CYB5R4: variants seen among roughly 807,000 people sequenced by gnomAD.
CYB5R4 encodes N-terminal cytochrome b5 and cytochrome b5 oxidoreductase domain-containing protein.
Under a neutral mutation model 70.2 loss-of-function variants are expected in CYB5R4, and 55 were observed. The observed-to-expected ratio is 0.78, with a 90% CI of 0.63 to 0.98. CYB5R4 has a LOEUF of 0.98. CYB5R4 is among the 50% of genes least tolerant of loss of function. The pLI is 0.00. For synonymous variants in CYB5R4, 197 were observed against 199.5 expected (o/e 0.99, Z 0.11); for missense variants, 562 against 612.6 (o/e 0.92, Z 0.87).
At chr6:83,918,093 A>G (rs1438993950) in intron 6 of CYB5R4, 28 bp downstream of exon 6, 1 of 1,541,632 alleles carries the variant, frequency 6.5e-7, no homozygotes. Flanking sequence ...AAATTTTTAA[A>G]GTTAAATCAA....
intron 10 of CYB5R4, among the ~76,000 whole-genome samples, chr6:83,930,278 CCTTT>C (rs1174870557): frequency 6.6e-6 from 1 of 152,038 alleles, no homozygotes; most frequent in Non-Finnish European, 1.5e-5. Flanking sequence ...ATCGATTGAC[CCTTT>C]CTTTCACAAA....
chr6:83,919,450 A>G lies in CYB5R4; in HGVS notation c.560A>G (p.Gln187Arg), dbSNP rs143478181. The stretch of plus-strand genomic sequence containing the variant: ...GTCACCATTGCCATATATACTAAAC[A>G]GAAGGTAAATATGTCTTTAAAATCA... ...SLVTIAIYTKQKDINLDSIIV... is the reference protein window; with the variant it reads ...SLVTIAIYTKRKDINLDSIIV... The change falls in exon 7 of 16, where the codon CAG becomes CGG. Residue 187 changes from glutamine (Q) to arginine (R), a missense_variant. Transcript: ENST00000369681. 9.9e-5 allele frequency: 147 copies of G among 1,479,162 alleles called. No homozygotes were observed. The highest frequency in any genetic ancestry group is 1.3e-4 in the Non-Finnish European group (139 of 1,082,276). 91.6% of individuals were successfully genotyped at this position (1,479,162 alleles called of 1,614,324 possible). A position where few individuals can be genotyped will look rare whatever the true frequency, so the allele number is the denominator to read the frequency against.
At chr6:83,919,760 CTGTG>C (rs58002492) in intron 7 of CYB5R4, among the ~76,000 whole-genome samples, 4,728 of 141,912 alleles carry the variant, frequency 0.033, 139 homozygotes, top group African/African-American at 0.075. Flanking sequence ...ATGTGTTTTT[CTGTG>C]TGTGTGTGTG....
chr6:83,961,558 CT>C lies in CYB5R4; in HGVS notation c.*1683del, dbSNP rs2099473349. On this transcript the variant is annotated 3_prime_UTR_variant, in exon 16 of 16. Coordinates refer to ENST00000369681, the MANE Select transcript of CYB5R4 (RefSeq NM_016230.4). ...ATTATGAAGAAGGTCCTTGCTTCTT[CT>C]TTGCTTTCTACCATAATTGTACATT... 7 of 152,168 alleles carry C rather than the reference CT, an allele frequency of 4.6e-5. No homozygotes were observed. The highest frequency in any genetic ancestry group is 4.6e-4 in the Admixed American group (7 of 15,270). The allele number at this position is 152,168 out of a possible 1,614,324, so 9.4% of individuals were successfully genotyped here.
At chr6:83,919,872 G>A (rs572757978) in intron 7 of CYB5R4, among the ~76,000 whole-genome samples, 1 of 151,578 alleles carries the variant, frequency 6.6e-6, no homozygotes, top group East Asian at 2.0e-4. Flanking sequence ...ACATAAACTA[G>A]GATTGGAGAA....
chr6:83,904,329 C>A (rs1490402050), intron 3 of CYB5R4, among the ~76,000 whole-genome samples: 2 of 152,036 alleles, frequency 1.3e-5, no homozygotes, highest in African/African-American at 4.8e-5. Context: ...TGTTTAATTT[C>A]CATGTATTTG....
intron 10 of CYB5R4, 131 bp downstream of exon 10, chr6:83,924,723 G>C: frequency 1.1e-6 from 1 of 912,870 alleles, no homozygotes; most frequent in Non-Finnish European, 1.6e-6. Context: ...TAGGAAGTTT[G>C]AAAGGGACAA....
chr6:83,954,785 G>A (rs893696537), intron 14 of CYB5R4, among the ~76,000 whole-genome samples: 6 of 151,584 alleles, frequency 4.0e-5, no homozygotes, highest in African/African-American at 7.3e-5. Flanking sequence ...TGTTGCCTAG[G>A]CTGGTGCAAT....
intron 4 of CYB5R4, among the ~76,000 whole-genome samples, chr6:83,910,478 G>A (rs2099464508): frequency 1.3e-5 from 2 of 152,244 alleles, no homozygotes; most frequent in Admixed American, 1.3e-4. Flanking sequence ...GGTAATTCTT[G>A]CCAGAAAGAT....
intron 1 of CYB5R4, among the ~76,000 whole-genome samples, chr6:83,863,528 T>C (rs2099456281): frequency 6.6e-6 from 1 of 152,226 alleles, no homozygotes; most frequent in South Asian, 2.1e-4. Context: ...ATCTCTTTGA[T>C]TTTTAAGGTG....
chr6:83,909,120 G>C (rs1158600180), intron 4 of CYB5R4, 30 bp downstream of exon 4: 2 of 1,561,056 alleles, frequency 1.3e-6, no homozygotes, highest in East Asian at 2.2e-5. Flanking sequence ...AACCAGCATG[G>C]ATGTGTGGTG....
chr6:83,910,231 AAGTC>A (rs1425333207), intron 4 of CYB5R4: 4 of 1,122,468 alleles, frequency 3.6e-6, no homozygotes, highest in Middle Eastern at 2.1e-4. Flanking sequence ...AACTTTTGTA[AAGTC>A]AGTCAAAGTT....
intron 2 of CYB5R4, among the ~76,000 whole-genome samples, chr6:83,893,064 C>A (rs2099461375): frequency 6.6e-6 from 1 of 152,172 alleles, no homozygotes; most frequent in South Asian, 2.1e-4. Context: ...GCTTACTCTT[C>A]TGTATAATAA....
At position 83,909,099 on chromosome 6, in the gene CYB5R4, T is replaced by G; in HGVS notation, c.412+9T>G. 6.2e-7 allele frequency: 1 copy of G among 1,612,546 alleles called. No individual in the cohort carries two copies. Among genetic ancestry groups the G allele is most frequent in the South Asian group, 1.1e-5 (1 of 91,014 alleles). ...ACCTGCTGTTCTGAAAGGTAAGTGGTGCTGGTGCTAAACCAGCATGGATGT... is the reference window on the plus strand; with the variant it reads ...ACCTGCTGTTCTGAAAGGTAAGTGGGGCTGGTGCTAAACCAGCATGGATGT... On this transcript the variant is annotated intron_variant, in intron 4 of 15. Coordinates refer to ENST00000369681, the MANE Select transcript of CYB5R4 (RefSeq NM_016230.4).
intron 15 of CYB5R4, among the ~76,000 whole-genome samples, chr6:83,958,771 C>A (rs1383896308): frequency 6.6e-6 from 1 of 152,184 alleles, no homozygotes; most frequent in Non-Finnish European, 1.5e-5. Context: ...ATCTTACAAT[C>A]ATTTGCTGGG....
rs760674262 is a variant in CYB5R4 at position 83,909,073 on chromosome 6, A to G, written c.395A>G (p.Lys132Arg). ...TGCCTGGTTGGCAGAATGGCCATTA[A>G]ACCTGCTGTTCTGAAAGGTAAGTGG... is the stretch of plus-strand genomic sequence containing the variant. ...KECLVGRMAI[K>R]PAVLKDYREE... The change falls in exon 4 of 16, where the codon AAA (lysine) becomes AGA (arginine). Residue 132 changes from lysine (K) to arginine (R), a missense_variant. Lys to Arg is a conservative substitution (Grantham distance 26). Coordinates refer to ENST00000369681, the MANE Select transcript of CYB5R4 (RefSeq NM_016230.4). 17 of 1,613,820 alleles carry G rather than the reference A, an allele frequency of 1.1e-5. No individual in the cohort carries two copies. Among genetic ancestry groups the G allele is most frequent in the Non-Finnish European group, 1.2e-5 (14 of 1,179,836 alleles).
chr6:83,892,788 C>T (rs1425323736), intron 2 of CYB5R4, among the ~76,000 whole-genome samples: 1 of 151,946 alleles, frequency 6.6e-6, no homozygotes, highest in Non-Finnish European at 1.5e-5. Context: ...ATTCTTCTAC[C>T]AGGGCAATAT....
At chr6:83,911,565 A>T (rs1481647364) in intron 4 of CYB5R4, among the ~76,000 whole-genome samples, 1 of 150,284 alleles carries the variant, frequency 6.7e-6, no homozygotes, top group Non-Finnish European at 1.5e-5. Flanking sequence ...AATGCTCAGC[A>T]TTTTTTTTTT....
chr6:83,872,699 A>G (rs192471133), intron 2 of CYB5R4, among the ~76,000 whole-genome samples: 94 of 152,334 alleles, frequency 6.2e-4, no homozygotes, highest in Admixed American at 3.4e-3. Flanking sequence ...CTGTTTCTCT[A>G]ATAGCTGAGA....
Sources: allele counts gnomAD v4.1 joint callset (sites outside exome capture counted in the v4.1 genomes callset), GRCh38; gene constraint gnomAD v4.1.1; transcripts MANE v1.5; gene names NCBI Gene and HGNC (gene_info 2026-07-23, HGNC 2026-07-21).